Variants in TRPM3 observed in about 807,000 individuals in gnomAD.
TRPM3 encodes long transient receptor potential channel 3.
TRPM3 carries 77 observed loss-of-function variants against 181.2 expected under a neutral mutation model. The ratio of observed to expected loss-of-function variants is 0.42; its 90% CI spans 0.35 to 0.51. The LOEUF is 0.51. Ranked by LOEUF, TRPM3 falls within the 20% of genes least tolerant of loss-of-function variation. The probability of loss-of-function intolerance (pLI) is 0.01; values close to 1 mark genes in which losing one functional copy is unlikely to be tolerated. For missense variants in TRPM3, 1,759 were observed against 2,196.7 expected (o/e 0.80, Z 3.98); for synonymous variants, 745 against 796.4 (o/e 0.94, Z 1.09).
chr9:71,154,070 C>A (rs1035244331), intron 1 of TRPM3, among the ~76,000 whole-genome samples: 1 of 152,042 alleles, frequency 6.6e-6, no homozygotes, highest in Non-Finnish European at 1.5e-5. Context: ...CAAATAACAA[C>A]AACAACAACA....
At chr9:70,894,129 C>T (rs953254817) in intron 1 of TRPM3, among the ~76,000 whole-genome samples, 2 of 152,158 alleles carry the variant, frequency 1.3e-5, no homozygotes, top group African/African-American at 4.8e-5. Context: ...AATTTTAATA[C>T]CATCACGTGC....
At chr9:71,282,104 A>AAAGAC in intron 1 of TRPM3, among the ~76,000 whole-genome samples, 1 of 149,326 alleles carries the variant, frequency 6.7e-6, no homozygotes, top group Non-Finnish European at 1.5e-5. Flanking sequence ...AAAGAAAGAA[A>AAAGAC]AGAAAGAAAG....
intron 6 of TRPM3, among the ~76,000 whole-genome samples, chr9:70,809,744 GA>G (rs201468032): frequency 0.02 from 3,040 of 152,302 alleles, 61 homozygotes; most frequent in Non-Finnish European, 0.032. Context: ...CTGTCCAGGG[GA>G]ATCTTTGCTT....
intron 1 of TRPM3, among the ~76,000 whole-genome samples, chr9:71,131,864 T>C (rs951401185): frequency 6.6e-6 from 1 of 152,170 alleles, no homozygotes; most frequent in Non-Finnish European, 1.5e-5. Flanking sequence ...AAAAATTCAA[T>C]CTGAAAATAA....
rs1429508780 is a variant in TRPM3 at position 70,531,822 on chromosome 9, A to C, written c.*4131T>G. ...TTGCCTACCACAGCTCGCAGGACTC[A>C]TTAGAGGATATACATCAGCTTACAC... On this transcript the variant is annotated 3_prime_UTR_variant, in exon 26 of 26. Transcript: ENST00000677713. 6.6e-6 allele frequency: 1 copy of C among 152,162 alleles called. No homozygotes were observed. The highest frequency in any genetic ancestry group is 1.5e-5 in the Non-Finnish European group (1 of 68,034). 9.4% of individuals were successfully genotyped at this position (152,162 alleles called of 1,614,324 possible).
intron 8 of TRPM3, among the ~76,000 whole-genome samples, chr9:70,757,037 A>G (rs1018717050): frequency 2.6e-5 from 4 of 152,186 alleles, no homozygotes; most frequent in African/African-American, 4.8e-5. Context: ...AAAAAAATCA[A>G]TGAATCCAGG....
At chr9:70,753,525 AT>A (rs2135129583) in intron 8 of TRPM3, among the ~76,000 whole-genome samples, 1 of 152,288 alleles carries the variant, frequency 6.6e-6, no homozygotes, top group East Asian at 1.9e-4. Context: ...GGCACATAGA[AT>A]AGAGTAATTG....
chr9:71,406,004 G>C lies in TRPM3; in HGVS notation c.183+40649C>G, dbSNP rs147562479. Among the ~76,000 whole-genome samples, 83 of 152,122 alleles carry C rather than the reference G, an allele frequency of 5.5e-4. 2 individuals are homozygous for C. In the East Asian group the frequency reaches 0.015, roughly 28 times the overall value. The stretch of plus-strand genomic sequence containing the variant: ...CAATAAAAAATTGGTGGCTGGGCAC[G>C]GTGGCTCACACCTGTAATCCCAGCA... On this transcript the variant is annotated intron_variant, in intron 1 of 24. Coordinates refer to the TRPM3 transcript ENST00000357533.
At chr9:70,679,641 G>T (rs970987647) in intron 9 of TRPM3, among the ~76,000 whole-genome samples, 1 of 152,102 alleles carries the variant, frequency 6.6e-6, no homozygotes, top group African/African-American at 2.4e-5. Flanking sequence ...CTTATCTTGA[G>T]CATGTTACTG....
At chr9:71,178,735 T>C (rs1459757570) in intron 1 of TRPM3, among the ~76,000 whole-genome samples, 1 of 152,130 alleles carries the variant, frequency 6.6e-6, no homozygotes, top group Non-Finnish European at 1.5e-5. Flanking sequence ...TTTTGTGAGA[T>C]TCATTCCATT....
At chr9:71,433,868 T>A (rs2093993455) in intron 1 of TRPM3, among the ~76,000 whole-genome samples, 3 of 152,090 alleles carry the variant, frequency 2.0e-5, no homozygotes, top group Admixed American at 1.3e-4. Flanking sequence ...TAGAATGTCA[T>A]CCTGAGGCTG....
chr9:70,819,317 T>C (rs562059342), intron 6 of TRPM3, among the ~76,000 whole-genome samples: 8 of 152,304 alleles, frequency 5.3e-5, no homozygotes, highest in African/African-American at 1.2e-4. Context: ...CATAGATATA[T>C]AGGTGTGTTG....
chr9:70,642,544 C>A (rs114794011), intron 9 of TRPM3, among the ~76,000 whole-genome samples: 95 of 152,276 alleles, frequency 6.2e-4, no homozygotes, highest in African/African-American at 2.2e-3. Flanking sequence ...TGGGGAGCTT[C>A]GCTCAGGGTG....
At chr9:70,803,757 C>T (rs562209626) in intron 6 of TRPM3, among the ~76,000 whole-genome samples, 1 of 149,662 alleles carries the variant, frequency 6.7e-6, no homozygotes, top group Non-Finnish European at 1.5e-5. Flanking sequence ...GCCGAGCTCC[C>T]CTTTTTTACC....
chr9:70,860,667 G>A (rs2095498397), intron 3 of TRPM3, among the ~76,000 whole-genome samples: 1 of 152,152 alleles, frequency 6.6e-6, no homozygotes, highest in African/African-American at 2.4e-5. Context: ...AACTGAAAAA[G>A]TGTAATTTGG....
intron 9 of TRPM3, among the ~76,000 whole-genome samples, chr9:70,654,444 G>C (rs561462573): frequency 1.3e-5 from 2 of 152,008 alleles, no homozygotes; most frequent in African/African-American, 2.4e-5. Flanking sequence ...TGATCACTTG[G>C]TGTTTTGAGC....
chr9:71,035,689 C>T (rs1357844996), intron 1 of TRPM3, among the ~76,000 whole-genome samples: 5 of 152,018 alleles, frequency 3.3e-5, no homozygotes, highest in African/African-American at 1.2e-4. Flanking sequence ...TGCACTCCAG[C>T]CTGGGTGATA....
chr9:71,292,831 C>G (rs1202287200), intron 1 of TRPM3, among the ~76,000 whole-genome samples: 1 of 151,578 alleles, frequency 6.6e-6, no homozygotes, highest in African/African-American at 2.4e-5. Flanking sequence ...AAAGAGACAC[C>G]AGAAATGAAA....
chr9:70,766,256 T>C (rs1390334693), intron 7 of TRPM3, among the ~76,000 whole-genome samples: 1 of 152,190 alleles, frequency 6.6e-6, no homozygotes, highest in Non-Finnish European at 1.5e-5. Context: ...AGTATTCTGT[T>C]CAAATGCTCT....
Sources: gnomAD v4.1 joint callset for allele counts (sites outside exome capture counted in the v4.1 genomes callset) on GRCh38, gnomAD v4.1.1 for gene constraint, MANE v1.5 for transcripts, NCBI Gene and HGNC (gene_info 2026-07-23, HGNC 2026-07-21) for gene names.